Variants in MUSK observed in about 807,000 individuals in gnomAD.
The protein encoded by MUSK is muscle, skeletal receptor tyrosine-protein kinase.
A neutral mutation model predicts 88.7 loss-of-function variants in MUSK; 55 were observed. The observed-to-expected ratio is 0.62, with a 90% confidence interval of 0.50 to 0.78. The LOEUF is 0.78. Ranked by LOEUF, MUSK falls within the 30% of genes least tolerant of loss-of-function variation. MUSK has a pLI of 0.00. For synonymous variants in MUSK, 387 were observed against 391.9 expected (o/e 0.99, Z 0.15); for missense variants, 1,015 against 1,074.3 (o/e 0.94, Z 0.77).
chr9:110,762,268 G>A, intron 8 of MUSK, 60 bp downstream of exon 8: 1 of 1,305,988 alleles, frequency 7.7e-7, no homozygotes, highest in Non-Finnish European at 1.0e-6. Flanking sequence ...GATTTCGTTT[G>A]TTTGTTTTTG....
At chr9:110,676,991 GTCC>G (rs572926741) in intron 1 of MUSK, among the ~76,000 whole-genome samples, 39 of 152,242 alleles carry the variant, frequency 2.6e-4, no homozygotes, top group African/African-American at 8.9e-4. Flanking sequence ...CATCCATCTT[GTCC>G]TCCTTCTCCC....
chr9:110,742,622 C>T (rs746700117), intron 6 of MUSK, among the ~76,000 whole-genome samples: 1 of 152,052 alleles, frequency 6.6e-6, no homozygotes, highest in African/African-American at 2.4e-5. Context: ...TATTCTCTGT[C>T]GAAGTTTAGG....
intron 5 of MUSK, among the ~76,000 whole-genome samples, chr9:110,700,836 C>T (rs529032929): frequency 2.1e-4 from 32 of 152,276 alleles, no homozygotes; most frequent in African/African-American, 6.7e-4. Context: ...TTCTGGTTTA[C>T]ACCTGTTGTC....
chr9:110,697,585 C>A, intron 5 of MUSK, 119 bp downstream of exon 5: 1 of 1,053,624 alleles, frequency 9.5e-7, no homozygotes, highest in East Asian at 2.8e-5. Context: ...TCAGTTGTTC[C>A]AGATATTAGG....
chr9:110,707,082 G>A (rs1353746260), intron 5 of MUSK, among the ~76,000 whole-genome samples: 1 of 152,072 alleles, frequency 6.6e-6, no homozygotes, highest in African/African-American at 2.4e-5. Flanking sequence ...CAGTGCAGGG[G>A]CTCATGCCTG....
chr9:110,774,852 T>A (rs558489149), intron 9 of MUSK, among the ~76,000 whole-genome samples: 1 of 129,978 alleles, frequency 7.7e-6, no homozygotes, highest in African/African-American at 2.9e-5. Context: ...AAAGACACCA[T>A]TGTGGCATAT....
At chr9:110,718,600 T>C (rs1256784753) in intron 5 of MUSK, among the ~76,000 whole-genome samples, 1 of 151,950 alleles carries the variant, frequency 6.6e-6, no homozygotes, top group African/African-American at 2.4e-5. Flanking sequence ...AGTCAAAACC[T>C]AAGAATAGTT....
At chr9:110,772,715 T>C (rs1324718546) in intron 9 of MUSK, among the ~76,000 whole-genome samples, 1 of 152,116 alleles carries the variant, frequency 6.6e-6, no homozygotes, top group Non-Finnish European at 1.5e-5. Flanking sequence ...ATTTTCACAA[T>C]TGTGTTTCCA....
intron 5 of MUSK, among the ~76,000 whole-genome samples, chr9:110,710,108 G>A (rs1161696644): frequency 6.6e-6 from 1 of 152,200 alleles, no homozygotes; most frequent in Non-Finnish European, 1.5e-5. Flanking sequence ...AAAGGAACTT[G>A]AGTGTCTTAT....
intron 6 of MUSK, among the ~76,000 whole-genome samples, chr9:110,739,545 T>C (rs1564256740): frequency 6.6e-6 from 1 of 152,124 alleles, no homozygotes. Flanking sequence ...TCATAAACCA[T>C]CCAGCATTGC....
chr9:110,728,550 A>G (rs544895223), intron 5 of MUSK: 42 of 658,574 alleles, frequency 6.4e-5, no homozygotes, highest in Non-Finnish European at 9.9e-5. Context: ...TTTCTTATTG[A>G]AATAAGAAAC....
Position 110,701,675 on chromosome 9 carries a change from ATTTTT to A in MUSK, c.628+4213_628+4217del, listed in dbSNP as rs2076507972. Among the ~76,000 whole-genome samples, 15 of 23,504 alleles carry A rather than the reference ATTTTT, an allele frequency of 6.4e-4. 6 individuals are homozygous for A. The highest frequency in any genetic ancestry group is 5.5e-3 in the African/African-American group (15 of 2,728). 15.4% of individuals were successfully genotyped at this position (23,504 alleles called of 152,430 possible). On this transcript the variant is annotated intron_variant, in intron 5 of 14. Transcript: ENST00000374448. ...CTATTTATTTTATTTATTTTATTTT[ATTTTT>A]TTTACTTTACTTTATTTTATTTTAT...
chr9:110,712,159 G>GAAA (rs35254603), intron 5 of MUSK, among the ~76,000 whole-genome samples: 702 of 141,862 alleles, frequency 4.9e-3, no homozygotes, highest in Non-Finnish European at 7.1e-3. Context: ...TGTTTATTCT[G>GAAA]AAAAAAAAAA....
rs1323370652 is a variant in MUSK, at chr9:110,734,255, T to C, written c.633T>C (p.Phe211=). 1 of 1,611,378 alleles carries C rather than the reference T, an allele frequency of 6.2e-7. No homozygotes were observed. Among genetic ancestry groups the C allele is most frequent in the Non-Finnish European group, 8.5e-7 (1 of 1,178,634 alleles). ...SKVVKLEVEV[F]ARILRAPESH... ...CCACTTCTGTCTTCCTAACAGTTTTTGCCAGGATCCTGCGGGCTCCTGAAT... is the reference window on the plus strand; with the variant it reads ...CCACTTCTGTCTTCCTAACAGTTTTCGCCAGGATCCTGCGGGCTCCTGAAT... Residue 211 remains phenylalanine (F), a synonymous_variant, in exon 6 of 15, where the codon TTT becomes TTC. Coordinates refer to ENST00000374448, the MANE Select transcript of MUSK (RefSeq NM_005592.4).
rs571683402 is a variant in MUSK, at chr9:110,784,323, G to A, written c.1385-492G>A. 1.2e-4 allele frequency among the ~76,000 whole-genome samples: 18 copies of A among 152,142 alleles called. No homozygotes were observed. The South Asian group carries it at 3.7e-3, about 32-fold the overall frequency. ...ACATATCACATCGGCCTTTTAAATTGAAGTTTGACAGGAGTTCAGTTTTTA... is the reference window on the plus strand; with the variant it reads ...ACATATCACATCGGCCTTTTAAATTAAAGTTTGACAGGAGTTCAGTTTTTA... On this transcript the variant is annotated intron_variant, in intron 11 of 14. Transcript: ENST00000374448.
intron 1 of MUSK, among the ~76,000 whole-genome samples, chr9:110,673,716 C>T (rs2075989881): frequency 6.6e-6 from 1 of 152,146 alleles, no homozygotes; most frequent in Admixed American, 6.5e-5. Context: ...AAGTCTATTA[C>T]CTCTGCCACT....
At position 110,777,577 on chromosome 9, in the gene MUSK, T is replaced by A. The variant is rs1164625395; in HGVS notation, c.1384+922T>A. 1.3e-5 allele frequency among the ~76,000 whole-genome samples: 2 copies of A among 152,104 alleles called. 1 individual carries two copies. Among genetic ancestry groups the A allele is most frequent in the South Asian group, 4.1e-4 (2 of 4,830 alleles). ...CCCAAATCGAAGGAATAAAAAAAAA[T>A]TTCAATTCTTTGTTATATGAGCAGC... On this transcript the variant is annotated intron_variant, in intron 11 of 14. Transcript: ENST00000374448.
chr9:110,757,587 T>C (rs1003896639), intron 7 of MUSK, among the ~76,000 whole-genome samples: 1 of 152,202 alleles, frequency 6.6e-6, no homozygotes, highest in African/African-American at 2.4e-5. Flanking sequence ...TACATATTGT[T>C]GTGACTGTCT....
At chr9:110,728,593 G>T in intron 5 of MUSK, 1 of 783,172 alleles carries the variant, frequency 1.3e-6, no homozygotes. Context: ...TTGCACAACT[G>T]ATGTTTCTGT....
Sources: allele counts gnomAD v4.1 joint callset (sites outside exome capture counted in the v4.1 genomes callset), GRCh38; gene constraint gnomAD v4.1.1; transcripts MANE v1.5; gene names NCBI Gene and HGNC (gene_info 2026-07-23, HGNC 2026-07-21).